ETV7: variants seen among roughly 807,000 people sequenced by gnomAD.
ETV7 encodes ETS variant transcription factor 7, also known as transcription factor ETV7.
ETV7 carries 43 observed loss-of-function variants against 39.1 expected under a neutral mutation model. The observed-to-expected ratio is 1.10, with a 90% CI of 0.86 to 1.42. The LOEUF is 1.42. Ranked by LOEUF, ETV7 falls within the 40% of genes most tolerant of loss-of-function variation. The pLI, the probability that ETV7 is intolerant of heterozygous loss-of-function variation, is 0.00. For missense variants in ETV7, 432 were observed against 442.3 expected (o/e 0.98, Z 0.21); for synonymous variants, 196 against 176.6 (o/e 1.11, Z -0.87).
At position 36,387,501 on chromosome 6, in the gene ETV7, C is replaced by T. The variant is rs560820771; in HGVS notation, c.6+35G>A. ...AAGGATGCGGGAGCAGGTGGCTCTG[C>T]GTGCGCGCTGCGTGTTCAGCCGCCA... On this transcript the variant is annotated intron_variant, in intron 1 of 7. Coordinates refer to ENST00000340181, the MANE Select transcript of ETV7 (RefSeq NM_016135.4). 9.3e-6 allele frequency: 15 copies of T among 1,613,870 alleles called. No individual in the cohort carries two copies. The African/African-American group carries it at 1.1e-4, about 11-fold the overall frequency.
chr6:36,379,610 G>A (rs961970714), intron 2 of ETV7, among the ~76,000 whole-genome samples: 4 of 151,164 alleles, frequency 2.6e-5, no homozygotes, highest in Non-Finnish European at 5.9e-5. Context: ...GGGCGTGGTG[G>A]CTCATGCCTG....
chr6:36,355,125 C>A (rs915102198), intron 7 of ETV7, among the ~76,000 whole-genome samples: 1 of 151,990 alleles, frequency 6.6e-6, no homozygotes, highest in Admixed American at 6.6e-5. Flanking sequence ...CTTTTTATTT[C>A]TTTTTCTTGC....
intron 3 of ETV7, 23 bp from the exon 4 acceptor site, chr6:36,373,601 G>A (rs780633283): frequency 4.6e-5 from 22 of 475,560 alleles, no homozygotes; most frequent in Middle Eastern, 5.1e-4. Flanking sequence ...GGGAGGGAGG[G>A]CAGGCTGCTG....
intron 7 of ETV7, among the ~76,000 whole-genome samples, chr6:36,356,695 G>C (rs1204993805): frequency 6.6e-6 from 1 of 152,226 alleles, no homozygotes; most frequent in East Asian, 1.9e-4. Context: ...TGGGCTACAG[G>C]GCCCTCCCCA....
downstream of ETV7, among the ~76,000 whole-genome samples, chr6:36,364,672 G>T (rs1239795536): frequency 6.6e-6 from 1 of 152,228 alleles, no homozygotes; most frequent in East Asian, 1.9e-4. Context: ...CCCAGAAAGG[G>T]GCTCCCACAG....
intron 7 of ETV7, among the ~76,000 whole-genome samples, chr6:36,355,015 ATTAG>A (rs1184264466): frequency 2.0e-5 from 3 of 152,240 alleles, no homozygotes; most frequent in Non-Finnish European, 4.4e-5. Flanking sequence ...GAACTCATTA[ATTAG>A]TTCTCATAGT....
chr6:36,362,177 A>G (rs1772511338), downstream of ETV7, among the ~76,000 whole-genome samples: 1 of 152,174 alleles, frequency 6.6e-6, no homozygotes, highest in Non-Finnish European at 1.5e-5. Context: ...GGGCACCTGT[A>G]GTCCCAGCTA....
At position 36,387,550 on chromosome 6, in the gene ETV7, G is replaced by C; in HGVS notation, c.-9C>G. The C allele has an allele frequency of 6.2e-7, 1 of 1,614,084 alleles. No homozygotes were observed. Among genetic ancestry groups the C allele is most frequent in the Non-Finnish European group, 8.5e-7 (1 of 1,180,000 alleles). On this transcript the variant is annotated 5_prime_UTR_variant, in exon 1 of 8. Transcript: ENST00000340181. ...CAGGCTCTTACCTGCATTACAGGTG[G>C]AGGTGAGGAAGCCACCGGCTTTCTG...
chr6:36,362,272 G>A (rs540871525), downstream of ETV7, among the ~76,000 whole-genome samples: 126 of 151,838 alleles, frequency 8.3e-4, no homozygotes, highest in Middle Eastern at 3.4e-3. Flanking sequence ...ACTGCAGTCC[G>A]GCCTGTGTGA....
At chr6:36,364,173 T>C (rs993629089), downstream of ETV7, among the ~76,000 whole-genome samples, 5 of 152,242 alleles carry the variant, frequency 3.3e-5, no homozygotes, top group African/African-American at 1.2e-4. Context: ...CTTCACCCAG[T>C]GGATCCTGCA....
intron 2 of ETV7, among the ~76,000 whole-genome samples, chr6:36,384,199 C>T (rs1205893998): frequency 1.3e-5 from 2 of 152,172 alleles, no homozygotes; most frequent in South Asian, 2.1e-4. Context: ...AGGGTCTGCT[C>T]CTGGGGAAAT....
chr6:36,375,873 G>A lies in ETV7; in HGVS notation c.305C>T (p.Ser102Leu), dbSNP rs1456201036. 2 of 1,613,916 alleles carry A rather than the reference G, an allele frequency of 1.2e-6. No homozygotes were observed. Among genetic ancestry groups the A allele is most frequent in the Admixed American group, 1.7e-5 (1 of 60,006 alleles). ...KDDFRHRAPSSGDVLYELLQY... is the reference protein window; with the variant it reads ...KDDFRHRAPSLGDVLYELLQY... ...GAAAGCCTGTGCGTTTCCCTGACCT[G>A]AGCTGGGCGCACGGTGCCGGAAGTC... Residue 102 changes from serine to leucine, a missense_variant and splice_region_variant, in exon 3 of 8, where the codon TCA becomes TTA. Transcript: ENST00000340181.
At chr6:36,368,337 A>AT (rs373287954) in intron 6 of ETV7, among the ~76,000 whole-genome samples, 4 of 152,212 alleles carry the variant, frequency 2.6e-5, no homozygotes, top group Middle Eastern at 3.4e-3. Context: ...TCTTTAAAAG[A>AT]TTTTTTTTAC....
At chr6:36,377,754 G>T (rs562992560) in intron 2 of ETV7, among the ~76,000 whole-genome samples, 1 of 152,260 alleles carries the variant, frequency 6.6e-6, no homozygotes, top group Admixed American at 6.5e-5. Context: ...ACTGTGCAGG[G>T]CTAGGGACAC....
chr6:36,369,065 C>G lies in ETV7; in HGVS notation c.671G>C (p.Arg224Pro). 1.2e-6 allele frequency: 2 copies of G among 1,614,102 alleles called. No individual in the cohort carries two copies. Among genetic ancestry groups the G allele is most frequent in the Non-Finnish European group, 1.7e-6 (2 of 1,180,016 alleles). ...CTGATACACGTAATCCCACAGCAGGCGGCAGTCTGCAATTTAGCACAGGGA... is the reference window on the plus strand; with the variant it reads ...CTGATACACGTAATCCCACAGCAGGGGGCAGTCTGCAATTTAGCACAGGGA... ...APIDGRIADC[R>P]LLWDYVYQLL... Residue 224 changes from arginine to proline, a missense_variant, in exon 6 of 8, where the codon CGC becomes CCC. Arg to Pro is a moderately radical substitution (Grantham distance 103). Coordinates refer to ENST00000340181, the MANE Select transcript of ETV7 (RefSeq NM_016135.4).
At chr6:36,356,393 A>G (rs1461329283) in intron 7 of ETV7, among the ~76,000 whole-genome samples, 2 of 152,154 alleles carry the variant, frequency 1.3e-5, no homozygotes, top group Non-Finnish European at 2.9e-5. Flanking sequence ...CAACTATTAT[A>G]TATCAATTTT....
At position 36,381,728 on chromosome 6, in the gene ETV7, G is replaced by T. The variant is rs7747768; in HGVS notation, c.142+3806C>A. Among the ~76,000 whole-genome samples, 110 of 152,248 alleles carry T rather than the reference G, an allele frequency of 7.2e-4. 1 individual carries two copies. The highest frequency in any genetic ancestry group is 3.4e-3 in the Middle Eastern group (1 of 294). On this transcript the variant is annotated intron_variant, in intron 2 of 7. Coordinates refer to ENST00000340181, the MANE Select transcript of ETV7 (RefSeq NM_016135.4). ...AGCTTTACGGTCATCACCACACTGT[G>T]GGGGCAGGGCCAGTGCATACAGTTC...
At chr6:36,357,057 A>C (rs1772360657) in intron 7 of ETV7, among the ~76,000 whole-genome samples, 1 of 152,234 alleles carries the variant, frequency 6.6e-6, no homozygotes, top group Admixed American at 6.5e-5. Flanking sequence ...ATTACAAATT[A>C]TCTCTTTTTT....
chr6:36,371,055 AGGCAGGTGT>A (rs1772990559), intron 5 of ETV7, among the ~76,000 whole-genome samples: 1 of 152,246 alleles, frequency 6.6e-6, no homozygotes, highest in Non-Finnish European at 1.5e-5. Flanking sequence ...AAGTTTTAAA[AGGCAGGTGT>A]GGCACTCCAT....
Sources: gnomAD v4.1 joint callset for allele counts (sites outside exome capture counted in the v4.1 genomes callset) on GRCh38, gnomAD v4.1.1 for gene constraint, MANE v1.5 for transcripts, NCBI Gene and HGNC (gene_info 2026-07-23, HGNC 2026-07-21) for gene names.